Variants in SLC24A3 observed in about 807,000 individuals in gnomAD.
The protein encoded by SLC24A3 is sodium/potassium/calcium exchanger 3.
Under a neutral mutation model 75.8 loss-of-function variants are expected in SLC24A3, and 28 were observed. The ratio of observed to expected loss-of-function variants is 0.37; its 90% CI spans 0.27 to 0.51. The LOEUF is 0.51. SLC24A3 is among the 20% of genes least tolerant of loss of function. The pLI, the probability that SLC24A3 is intolerant of heterozygous loss-of-function variation, is 0.94. For missense variants in SLC24A3, 663 were observed against 847.8 expected, an observed-to-expected ratio of 0.78 and a Z score of 2.71; for synonymous variants, 372 against 334.1, an observed-to-expected ratio of 1.11 and a Z score of -1.24.
intron 2 of SLC24A3, among the ~76,000 whole-genome samples, chr20:19,450,786 G>A (rs1403224218): frequency 6.6e-6 from 1 of 152,086 alleles, no homozygotes; most frequent in East Asian, 1.9e-4. Context: ...ATCACTTGAG[G>A]TCAGGAGTTT....
At chr20:19,708,316 T>C (rs1204128405) in intron 15 of SLC24A3, among the ~76,000 whole-genome samples, 1 of 152,160 alleles carries the variant, frequency 6.6e-6, no homozygotes, top group African/African-American at 2.4e-5. Flanking sequence ...TGTATCTTAC[T>C]CAACTTGTGC....
intron 2 of SLC24A3, among the ~76,000 whole-genome samples, chr20:19,470,349 AG>A (rs1987848936): frequency 6.6e-6 from 1 of 152,170 alleles, no homozygotes; most frequent in African/African-American, 2.4e-5. Context: ...CAGCAACTCC[AG>A]GTATAGGATT....
At chr20:19,615,215 T>C (rs2031722642) in intron 6 of SLC24A3, among the ~76,000 whole-genome samples, 1 of 152,114 alleles carries the variant, frequency 6.6e-6, no homozygotes, top group African/African-American at 2.4e-5. Flanking sequence ...AGTCCGGAAG[T>C]TGTAAATGAA....
At chr20:19,476,767 G>T (rs1987968396) in intron 2 of SLC24A3, among the ~76,000 whole-genome samples, 1 of 152,004 alleles carries the variant, frequency 6.6e-6, no homozygotes, top group Non-Finnish European at 1.5e-5. Flanking sequence ...CATAATTATG[G>T]GAACCCAGGC....
intron 6 of SLC24A3, among the ~76,000 whole-genome samples, chr20:19,603,231 G>T (rs989491365): frequency 1.3e-5 from 2 of 152,162 alleles, no homozygotes; most frequent in Non-Finnish European, 2.9e-5. Flanking sequence ...CTTAACTTTT[G>T]TGGGGGTTTT....
At chr20:19,285,232 C>G (rs1983782174) in intron 2 of SLC24A3, among the ~76,000 whole-genome samples, 1 of 152,290 alleles carries the variant, frequency 6.6e-6, no homozygotes, top group African/African-American at 2.4e-5. Flanking sequence ...AATCCCAGCA[C>G]TTTGGGAGCC....
chr20:19,503,113 A>C (rs1013140062), intron 2 of SLC24A3, among the ~76,000 whole-genome samples: 3 of 151,660 alleles, frequency 2.0e-5, no homozygotes, highest in Admixed American at 2.0e-4. Context: ...AAACTCTGAC[A>C]GGTCTTCTGC....
chr20:19,518,535 C>T (rs2030039933), intron 3 of SLC24A3, among the ~76,000 whole-genome samples: 2 of 152,182 alleles, frequency 1.3e-5, no homozygotes, highest in South Asian at 4.1e-4. Flanking sequence ...GGACTCCACA[C>T]AGGAATGGGA....
chr20:19,678,105 T>A (rs1257279804), intron 9 of SLC24A3, among the ~76,000 whole-genome samples: 1 of 150,788 alleles, frequency 6.6e-6, no homozygotes, highest in East Asian at 2.0e-4. Flanking sequence ...CCATGTCTAC[T>A]TCTTTCTACA....
At chr20:19,285,876 G>A (rs1029576743) in intron 2 of SLC24A3, among the ~76,000 whole-genome samples, 4 of 152,148 alleles carry the variant, frequency 2.6e-5, no homozygotes, top group African/African-American at 4.8e-5. Flanking sequence ...ATATTTATTT[G>A]TGCACTTTAC....
chr20:19,358,998 C>T (rs1194054445), intron 2 of SLC24A3, among the ~76,000 whole-genome samples: 1 of 152,218 alleles, frequency 6.6e-6, no homozygotes, highest in Non-Finnish European at 1.5e-5. Flanking sequence ...GCATATATCA[C>T]ATTTTGTTAA....
intron 2 of SLC24A3, among the ~76,000 whole-genome samples, chr20:19,312,578 CTA>C: frequency 6.6e-6 from 1 of 152,272 alleles, no homozygotes; most frequent in South Asian, 2.1e-4. Context: ...TGATCTCTTC[CTA>C]TTCATTCACA....
chr20:19,505,248 A>G (rs1274237784), intron 2 of SLC24A3, among the ~76,000 whole-genome samples: 1 of 152,194 alleles, frequency 6.6e-6, no homozygotes, highest in Non-Finnish European at 1.5e-5. Flanking sequence ...CAGCATCATG[A>G]ACAAGGAGCA....
intron 2 of SLC24A3, among the ~76,000 whole-genome samples, chr20:19,476,731 C>A (rs1987967653): frequency 6.6e-6 from 1 of 152,126 alleles, no homozygotes; most frequent in Admixed American, 6.5e-5. Context: ...AAGTATGGGG[C>A]CTTCCGTAGC....
intron 2 of SLC24A3, among the ~76,000 whole-genome samples, chr20:19,364,641 C>T (rs8120201): frequency 0.35 from 53,444 of 151,816 alleles, 10,235 homozygotes; most frequent in Middle Eastern, 0.54. Flanking sequence ...TTTTTGTAGA[C>T]GTGGGGTTTT....
intron 2 of SLC24A3, among the ~76,000 whole-genome samples, chr20:19,392,208 G>A (rs1986378932): frequency 6.6e-6 from 1 of 152,106 alleles, no homozygotes. Flanking sequence ...ATTCTAAGGG[G>A]TAAACAAACA....
In SLC24A3 at chr20:19,344,812, A is replaced by T. The variant is rs141890622; in HGVS notation, c.271+63725A>T. ...CAGAGAAAGCTCCCAGACAAGGAAG[A>T]TTGAATGCCAAGGGAAAATGTGTAG... On this transcript the variant is annotated intron_variant, in intron 2 of 16. Coordinates refer to ENST00000328041, the MANE Select transcript of SLC24A3 (RefSeq NM_020689.4). 5.6e-3 allele frequency among the ~76,000 whole-genome samples: 851 copies of T among 152,356 alleles called. 9 individuals carry two copies. The highest frequency in any genetic ancestry group is 0.02 in the African/African-American group (822 of 41,580).
In SLC24A3 at chr20:19,722,346, C is replaced by T. The variant is rs1372866615; in HGVS notation, c.*1206C>T. 1.3e-5 allele frequency: 2 copies of T among 152,824 alleles called. No homozygotes were observed. The highest frequency in any genetic ancestry group is 2.9e-5 in the Non-Finnish European group (2 of 68,154). The allele number at this position is 152,824 out of a possible 1,614,324, so 9.5% of individuals were successfully genotyped here. ...CAAGCCGGCCCAGCTGCACCCCTCC[C>T]TTCCTGGAGGGATGGCCAGGGAAGG... On this transcript the variant is annotated 3_prime_UTR_variant, in exon 17 of 17. Coordinates refer to ENST00000328041, the MANE Select transcript of SLC24A3 (RefSeq NM_020689.4).
At chr20:19,213,212 G>T (rs1333883267) in intron 1 of SLC24A3, 4 of 342,722 alleles carry the variant, frequency 1.2e-5, no homozygotes, top group Non-Finnish European at 2.0e-5. Flanking sequence ...GCGTCTGGCC[G>T]CCCTGGGAAC....
Sources: gnomAD v4.1 joint callset for allele counts (sites outside exome capture counted in the v4.1 genomes callset) on GRCh38, gnomAD v4.1.1 for gene constraint, MANE v1.5 for transcripts, NCBI Gene and HGNC (gene_info 2026-07-23, HGNC 2026-07-21) for gene names.